The following SRGAP3 variants were observed in gnomAD, a reference collection of about 807,000 sequenced individuals.
The protein encoded by SRGAP3 is SLIT-ROBO Rho GTPase-activating protein 3.
Under a neutral mutation model 121.1 loss-of-function variants are expected in SRGAP3, and 39 were observed. The observed-to-expected ratio is 0.32, with a 90% CI of 0.25 to 0.42. The LOEUF is 0.42. Among genes scored for constraint, SRGAP3 ranks in the 10% least tolerant of loss-of-function variants. The pLI is 1.00. For synonymous variants in SRGAP3, 601 were observed against 570.0 expected, an observed-to-expected ratio of 1.05 and a Z score of -0.77; for missense variants, 1,213 against 1,470.6, an observed-to-expected ratio of 0.82 and a Z score of 2.86.
At chr3:9,273,812 G>A (rs1454802843) in intron 3 of SRGAP3, among the ~76,000 whole-genome samples, 4 of 150,094 alleles carry the variant, frequency 2.7e-5, no homozygotes, top group Non-Finnish European at 5.9e-5. Flanking sequence ...TTTGCATGTG[G>A]ATGTCCAGTT....
In SRGAP3 at chr3:9,010,339, G is replaced by A; in HGVS notation, c.2196C>T (p.Asp732=). ...EPGAIDEVDH[D]NGTEPHTSDE... ...CGCTGGTATGAGGCTCAGTGCCATT[G>A]TCATGGTCAACTTCATCGATGGCCC... is the stretch of plus-strand genomic sequence containing the variant. Residue 732 remains aspartate (D), a synonymous_variant, in exon 18 of 22, where the codon GAC becomes GAT. Transcript: ENST00000383836. The A allele has an allele frequency of 6.2e-7, 1 of 1,614,122 alleles. No individual in the cohort carries two copies. The highest frequency in any genetic ancestry group is 8.5e-7 in the Non-Finnish European group (1 of 1,180,016).
chr3:9,010,192 G>GAAGA, intron 18 of SRGAP3, 116 bp downstream of exon 18: 1 of 1,219,704 alleles, frequency 8.2e-7, no homozygotes, highest in Middle Eastern at 1.9e-4. Context: ...AAGGACAGAT[G>GAAGA]GCTGACTTGG....
intron 10 of SRGAP3, among the ~76,000 whole-genome samples, chr3:9,038,744 G>C (rs769055464): frequency 1.2e-4 from 18 of 152,174 alleles, no homozygotes; most frequent in Non-Finnish European, 1.2e-4. Flanking sequence ...ACAAAGCCCA[G>C]ACCTTCTCCT....
chr3:8,999,781 T>C (rs1249923299), intron 18 of SRGAP3, among the ~76,000 whole-genome samples: 1 of 152,070 alleles, frequency 6.6e-6, no homozygotes. Context: ...CCAGCTGATA[T>C]TGAGATTTAG....
chr3:9,234,678 A>G (rs745441057), intron 1 of SRGAP3, among the ~76,000 whole-genome samples: 1 of 152,216 alleles, frequency 6.6e-6, no homozygotes, highest in Non-Finnish European at 1.5e-5. Flanking sequence ...CTGTATTTTG[A>G]AAATGCTCTC....
At chr3:9,313,260 C>T (rs541034866) in intron 3 of SRGAP3, among the ~76,000 whole-genome samples, 1 of 152,350 alleles carries the variant, frequency 6.6e-6, no homozygotes, top group African/African-American at 2.4e-5. Flanking sequence ...GTTCACTCAG[C>T]TTCTTCAAGT....
intron 12 of SRGAP3, among the ~76,000 whole-genome samples, chr3:9,032,432 A>T (rs983333931): frequency 6.6e-6 from 1 of 152,202 alleles, no homozygotes; most frequent in African/African-American, 2.4e-5. Flanking sequence ...CCCTACCCCC[A>T]GGGCTGAGAA....
At chr3:9,107,557 T>C (rs114536634) in intron 2 of SRGAP3, among the ~76,000 whole-genome samples, 6,722 of 152,202 alleles carry the variant, frequency 0.044, 483 homozygotes, top group African/African-American at 0.15. Flanking sequence ...GATACCTCCC[T>C]AGAGAACACC....
intron 3 of SRGAP3, among the ~76,000 whole-genome samples, chr3:9,262,506 G>A (rs567472371): frequency 2.5e-5 from 2 of 81,048 alleles, no homozygotes; most frequent in African/African-American, 7.9e-5. Context: ...TAAAGGGATG[G>A]AGGAAGATTT....
At chr3:8,989,962 T>G (rs1941940624) in intron 21 of SRGAP3, among the ~76,000 whole-genome samples, 1 of 152,324 alleles carries the variant, frequency 6.6e-6, no homozygotes, top group East Asian at 1.9e-4. Context: ...CTTTGGACCA[T>G]TCCTTAAAGG....
At chr3:9,048,395 G>A (rs1244690488) in intron 9 of SRGAP3, among the ~76,000 whole-genome samples, 1 of 152,258 alleles carries the variant, frequency 6.6e-6, no homozygotes, top group Non-Finnish European at 1.5e-5. Flanking sequence ...CTGGCTTAGA[G>A]TAGGTGCTGA....
At chr3:9,004,791 G>A (rs187710765) in intron 18 of SRGAP3, among the ~76,000 whole-genome samples, 1 of 152,316 alleles carries the variant, frequency 6.6e-6, no homozygotes, top group East Asian at 1.9e-4. Flanking sequence ...AGATCTAAAT[G>A]TAAGACCTAA....
At chr3:9,105,466 ATAGGTTATTAGCACTCTC>A (rs1371862026) in intron 2 of SRGAP3, among the ~76,000 whole-genome samples, 1 of 152,198 alleles carries the variant, frequency 6.6e-6, no homozygotes, top group African/African-American at 2.4e-5. Context: ...GCAATGACTG[ATAGGTTATTAGCACTCTC>A]TAGCTGGGTG....
intron 1 of SRGAP3, among the ~76,000 whole-genome samples, chr3:9,136,297 T>C (rs1949646952): frequency 6.7e-6 from 1 of 150,052 alleles, no homozygotes; most frequent in Non-Finnish European, 1.5e-5. Context: ...GCCCCGAGGG[T>C]CCGCAGGATC....
chr3:9,169,058 G>T (rs1950888853), intron 1 of SRGAP3, among the ~76,000 whole-genome samples: 1 of 152,186 alleles, frequency 6.6e-6, no homozygotes, highest in Non-Finnish European at 1.5e-5. Context: ...ACTGTACATG[G>T]TAGCACTGAT....
chr3:9,125,432 A>G (rs1419042510), intron 1 of SRGAP3, among the ~76,000 whole-genome samples: 3 of 152,226 alleles, frequency 2.0e-5, no homozygotes, highest in Admixed American at 1.3e-4. Flanking sequence ...ACCAAAGGAA[A>G]ACGGCAGTGT....
At chr3:9,291,137 T>G (rs1185803827) in intron 3 of SRGAP3, among the ~76,000 whole-genome samples, 1 of 152,198 alleles carries the variant, frequency 6.6e-6, no homozygotes, top group Non-Finnish European at 1.5e-5. Flanking sequence ...TCCTGTAGCA[T>G]GCAGGCTCAC....
At chr3:9,044,552 G>C (rs1267899362) in intron 10 of SRGAP3, among the ~76,000 whole-genome samples, 1 of 152,138 alleles carries the variant, frequency 6.6e-6, no homozygotes, top group South Asian at 2.1e-4. Context: ...TCAGGCCACA[G>C]ATAACCACAA....
intron 1 of SRGAP3, among the ~76,000 whole-genome samples, chr3:9,347,714 C>G (rs888787285): frequency 3.3e-5 from 5 of 152,208 alleles, no homozygotes; most frequent in Non-Finnish European, 7.3e-5. Flanking sequence ...TTCTTATTTT[C>G]CCATCTAGCC....
Sources: gnomAD v4.1 joint callset for allele counts (sites outside exome capture counted in the v4.1 genomes callset) on GRCh38, gnomAD v4.1.1 for gene constraint, MANE v1.5 for transcripts, NCBI Gene and HGNC (gene_info 2026-07-23, HGNC 2026-07-21) for gene names.